Variants in PBRM1 observed in about 807,000 individuals in gnomAD.
PBRM1 encodes the protein protein polybromo-1.
PBRM1 carries 27 observed loss-of-function variants against 194.5 expected under a neutral mutation model. The ratio of observed to expected loss-of-function variants is 0.14; its 90% CI spans 0.10 to 0.19. PBRM1 has a LOEUF of 0.19. PBRM1 is among the 10% of genes least tolerant of loss of function. The probability of loss-of-function intolerance (pLI) is 1.00; values close to 1 mark genes in which losing one functional copy is unlikely to be tolerated. For missense variants in PBRM1, 1,466 were observed against 2,077.2 expected, an observed-to-expected ratio of 0.71 and a Z score of 5.72; for synonymous variants, 655 against 693.2, an observed-to-expected ratio of 0.94 and a Z score of 0.87.
intron 22 of PBRM1, among the ~76,000 whole-genome samples, chr3:52,565,961 A>G (rs2085068035): frequency 6.6e-6 from 1 of 152,052 alleles, no homozygotes; most frequent in African/African-American, 2.4e-5. Context: ...GAGGCAGGAG[A>G]ATGGCCTGAA....
chr3:52,637,740 C>A (rs911475472), intron 10 of PBRM1, among the ~76,000 whole-genome samples: 3 of 123,902 alleles, frequency 2.4e-5, no homozygotes, highest in Non-Finnish European at 4.9e-5. Context: ...TCAGCCTGGC[C>A]AACATGGCAA....
At chr3:52,562,045 G>A in intron 24 of PBRM1, 77 bp from the exon 27 acceptor site, 5 of 1,149,814 alleles carry the variant, frequency 4.3e-6, no homozygotes, top group South Asian at 2.5e-5. Flanking sequence ...AAGCCAGCCG[G>A]GCGCGGTGGC....
chr3:52,627,329 G>A (rs367770749), exon 13 of PBRM1: 110 of 1,613,436 alleles, frequency 6.8e-5, no homozygotes, highest in Admixed American at 1.7e-4. Context: ...TGCTGTCTCC[G>A]TCCTCGATAT....
chr3:52,640,505 A>G (rs1245489587), intron 10 of PBRM1, among the ~76,000 whole-genome samples: 2 of 151,976 alleles, frequency 1.3e-5, no homozygotes, highest in Non-Finnish European at 2.9e-5. Flanking sequence ...TTCTGGGCTC[A>G]AGCAATCCTC....
intron 2 of PBRM1, among the ~76,000 whole-genome samples, chr3:52,676,259 A>C (rs1261497288): frequency 6.6e-6 from 1 of 152,158 alleles, no homozygotes; most frequent in Non-Finnish European, 1.5e-5. Context: ...GAGGAAAACC[A>C]ATACAGTTTG....
At chr3:52,657,471 T>C (rs2096629186) in intron 5 of PBRM1, among the ~76,000 whole-genome samples, 1 of 152,036 alleles carries the variant, frequency 6.6e-6, no homozygotes, top group African/African-American at 2.4e-5. Flanking sequence ...CATCTTCCTT[T>C]TATTTATTTA....
chr3:52,572,129 G>GAAAA (rs10634292), intron 22 of PBRM1, among the ~76,000 whole-genome samples: 19 of 109,400 alleles, frequency 1.7e-4, no homozygotes, highest in African/African-American at 5.1e-4. Context: ...TAATATTTTT[G>GAAAA]AAAAAAAAAA....
intron 13 of PBRM1, among the ~76,000 whole-genome samples, chr3:52,621,881 AC>A (rs1230071624): frequency 6.6e-6 from 1 of 151,558 alleles, no homozygotes; most frequent in Non-Finnish European, 1.5e-5. Context: ...GTGAGACACC[AC>A]CTCTTTAAAA....
intron 20 of PBRM1, among the ~76,000 whole-genome samples, chr3:52,582,970 G>A (rs564013498): frequency 2.4e-4 from 36 of 151,442 alleles, no homozygotes; most frequent in Non-Finnish European, 4.7e-4. Flanking sequence ...GGTGGTGAGC[G>A]CCTGTAGTCC....
Position 52,609,538 on chromosome 3 carries a change from A to T in PBRM1, c.2342T>A (p.Leu781His), listed in dbSNP as rs778298271. The stretch of plus-strand genomic sequence containing the variant: ...GACTGACACAAAAAGATTGTGGATA[A>T]GCTCTTGAATCAGCAAAGTCACATT... Residue 781 changes from leucine (L) to histidine (H), a missense_variant, in exon 16 of 30, where the codon CTT becomes CAT. Physicochemically the swap from Leu to His is moderately conservative, Grantham distance 99. Coordinates refer to ENST00000296302, the Ensembl canonical transcript of PBRM1. This position sits in a 1 kb window ranked among gnomAD's most constrained non-coding sequence, Gnocchi z 4.1. 6.2e-7 allele frequency: 1 copy of T among 1,614,050 alleles called. No homozygotes were observed. Among genetic ancestry groups the T allele is most frequent in the South Asian group, 1.1e-5 (1 of 91,074 alleles).
chr3:52,630,355 T>C (rs540996272), intron 11 of PBRM1, among the ~76,000 whole-genome samples: 1 of 152,140 alleles, frequency 6.6e-6, no homozygotes, highest in Non-Finnish European at 1.5e-5. Context: ...TAGATCTTCC[T>C]AGGGGTACAC....
At chr3:52,598,223 C>A (rs2093715679) in intron 17 of PBRM1, among the ~76,000 whole-genome samples, 1 of 152,074 alleles carries the variant, frequency 6.6e-6, no homozygotes, top group Admixed American at 6.5e-5. Flanking sequence ...TCATTCTGAC[C>A]ACTTTTAAGT....
At chr3:52,655,074 TAATAA>T (rs2096583897) in intron 5 of PBRM1, among the ~76,000 whole-genome samples, 1 of 152,134 alleles carries the variant, frequency 6.6e-6, no homozygotes, top group African/African-American at 2.4e-5. Flanking sequence ...TTTTTTACTG[TAATAA>T]AATAAATTTC....
At chr3:52,599,018 C>CAAAA (rs59170143) in intron 17 of PBRM1, among the ~76,000 whole-genome samples, 1 of 114,378 alleles carries the variant, frequency 8.7e-6, no homozygotes, top group African/African-American at 3.7e-5. Context: ...CCAGATATCT[C>CAAAA]AAAAAAAAAA....
At chr3:52,667,438 G>T (rs990527238) in intron 3 of PBRM1, among the ~76,000 whole-genome samples, 1 of 151,950 alleles carries the variant, frequency 6.6e-6, no homozygotes, top group Non-Finnish European at 1.5e-5. Flanking sequence ...ATCAAAAAAG[G>T]TTTACTATCC....
rs573656547 is a variant in PBRM1, at chr3:52,658,731, A to C, written c.529-416T>G. On this transcript the variant is annotated intron_variant, in intron 4 of 29. Transcript: ENST00000296302. ...CTAAGCAGTACTTATTTTAACTCCA[A>C]ATTTCAAGAATACCCCATAATGTTC... 7.9e-5 allele frequency among the ~76,000 whole-genome samples: 12 copies of C among 152,252 alleles called. No homozygotes were observed. In the South Asian group the frequency reaches 2.5e-3, roughly 32 times the overall value.
intron 17 of PBRM1, among the ~76,000 whole-genome samples, chr3:52,599,843 A>T (rs547339487): frequency 1.3e-3 from 194 of 150,426 alleles, no homozygotes; most frequent in South Asian, 1.9e-3. Flanking sequence ...AAAAAAAAAA[A>T]TTTTTTTTTA....
At chr3:52,571,238 G>A (rs1277976707) in intron 22 of PBRM1, among the ~76,000 whole-genome samples, 2 of 150,778 alleles carry the variant, frequency 1.3e-5, no homozygotes, top group African/African-American at 4.9e-5. Flanking sequence ...CAGGAGAATC[G>A]CTTGAACCCA....
chr3:52,599,195 A>C (rs866959005), intron 17 of PBRM1, among the ~76,000 whole-genome samples: 31 of 152,214 alleles, frequency 2.0e-4, no homozygotes, highest in Admixed American at 2.6e-4. Context: ...ATCACACACA[A>C]AAAAAATTGC....
Sources: allele counts gnomAD v4.1 joint callset (sites outside exome capture counted in the v4.1 genomes callset), GRCh38; gene constraint gnomAD v4.1.1; non-coding constraint Gnocchi (gnomAD v3.1); transcripts MANE v1.5; gene names NCBI Gene and HGNC (gene_info 2026-07-23, HGNC 2026-07-21).